The following CAMK1D variants were observed in gnomAD, a reference collection of about 807,000 sequenced individuals.
CAMK1D encodes the protein calcium/calmodulin dependent protein kinase ID, also known as calcium/calmodulin-dependent protein kinase type 1D.
Under a neutral mutation model 47.7 loss-of-function variants are expected in CAMK1D, and 9 were observed. The observed-to-expected ratio is 0.19, with a 90% CI of 0.11 to 0.33. CAMK1D has a LOEUF of 0.33. Among genes scored for constraint, CAMK1D ranks in the 10% least tolerant of loss-of-function variants. The pLI is 1.00. For missense variants in CAMK1D, 291 were observed against 488.7 expected (o/e 0.60, Z 3.81); for synonymous variants, 184 against 184.9 (o/e 0.99, Z 0.04).
At chr10:12,430,877 A>C (rs1283689145) in intron 1 of CAMK1D, among the ~76,000 whole-genome samples, 1 of 60,178 alleles carries the variant, frequency 1.7e-5, no homozygotes. Context: ...CACCCTCTTA[A>C]GTAGCTGGAT....
At chr10:12,781,416 G>A (rs1284696272) in intron 5 of CAMK1D, among the ~76,000 whole-genome samples, 1 of 152,112 alleles carries the variant, frequency 6.6e-6, no homozygotes, top group African/African-American at 2.4e-5. Context: ...TCCATCCCGC[G>A]GAGTTCCAAG....
chr10:12,541,686 G>A (rs534836863), intron 1 of CAMK1D, among the ~76,000 whole-genome samples: 65 of 151,826 alleles, frequency 4.3e-4, no homozygotes, highest in Non-Finnish European at 7.6e-4. Context: ...TGGTCCATTC[G>A]GATTCTCTGG....
intron 2 of CAMK1D, among the ~76,000 whole-genome samples, chr10:12,652,793 T>C (rs921081066): frequency 3.3e-5 from 5 of 152,184 alleles, no homozygotes; most frequent in African/African-American, 1.2e-4. Flanking sequence ...TTAACAATGA[T>C]CTATCATAAA....
Position 12,760,990 on chromosome 10 carries a change from G to T in CAMK1D, c.342G>T (p.Gly114=). The T allele has an allele frequency of 6.2e-7, 1 of 1,614,150 alleles. No individual in the cohort carries two copies. The highest frequency in any genetic ancestry group is 8.5e-7 in the Non-Finnish European group (1 of 1,180,026). ...GELFDRIVEK[G]FYTEKDASTL... ...TGTTTGACCGGATAGTGGAGAAGGG[G>T]TTTTATACAGAGAAGGATGCCAGCA... Residue 114 remains glycine (G), a synonymous_variant, in exon 4 of 11, where the codon GGG becomes GGT. Transcript: ENST00000619168.
intron 7 of CAMK1D, among the ~76,000 whole-genome samples, chr10:12,814,867 A>T (rs1200334851): frequency 6.6e-6 from 1 of 152,204 alleles, no homozygotes; most frequent in African/African-American, 2.4e-5. Flanking sequence ...CAAGCTTGGG[A>T]CATCTGGCTC....
chr10:12,511,618 GAACA>G (rs753821645), intron 1 of CAMK1D, among the ~76,000 whole-genome samples: 55 of 152,096 alleles, frequency 3.6e-4, no homozygotes, highest in Admixed American at 1.5e-3. Context: ...CTCAAAAAAC[GAACA>G]AACAAACAAA....
chr10:12,727,547 A>C (rs1251728999), intron 3 of CAMK1D, among the ~76,000 whole-genome samples: 1 of 152,236 alleles, frequency 6.6e-6, no homozygotes, highest in Non-Finnish European at 1.5e-5. Flanking sequence ...CATAAGTTAC[A>C]CACAACAGAC....
chr10:12,668,978 T>C (rs1840521091), intron 3 of CAMK1D, among the ~76,000 whole-genome samples: 1 of 151,974 alleles, frequency 6.6e-6, no homozygotes, highest in Non-Finnish European at 1.5e-5. Context: ...ACGCCTGCAA[T>C]CCCAGCACTT....
At chr10:12,502,323 G>A (rs1834729700) in intron 1 of CAMK1D, among the ~76,000 whole-genome samples, 1 of 152,224 alleles carries the variant, frequency 6.6e-6, no homozygotes, top group Admixed American at 6.5e-5. Flanking sequence ...GGAAAATCAG[G>A]CGGTGATGTA....
chr10:12,736,168 C>T (rs575457103), intron 3 of CAMK1D, among the ~76,000 whole-genome samples: 6 of 152,354 alleles, frequency 3.9e-5, no homozygotes, highest in Non-Finnish European at 7.3e-5. Context: ...AGGCAGCCTA[C>T]GAGTTTCTTC....
chr10:12,587,405 C>T (rs1342158507), intron 2 of CAMK1D, among the ~76,000 whole-genome samples: 1 of 152,046 alleles, frequency 6.6e-6, no homozygotes, highest in Non-Finnish European at 1.5e-5. Context: ...TCCATTTGTT[C>T]TGGGTTAGGT....
intron 1 of CAMK1D, among the ~76,000 whole-genome samples, chr10:12,440,540 G>C (rs1474642654): frequency 6.6e-6 from 1 of 152,072 alleles, no homozygotes; most frequent in East Asian, 1.9e-4. Flanking sequence ...CGCCCACCTC[G>C]GCCTCCCAAA....
chr10:12,351,517 C>T (rs1837354749), intron 1 of CAMK1D, among the ~76,000 whole-genome samples: 1 of 152,188 alleles, frequency 6.6e-6, no homozygotes, highest in East Asian at 1.9e-4. Context: ...CATGGGGACC[C>T]ACCCTGTGTG....
chr10:12,579,335 C>T (rs921162715), intron 2 of CAMK1D, among the ~76,000 whole-genome samples: 3 of 152,188 alleles, frequency 2.0e-5, no homozygotes, highest in Non-Finnish European at 4.4e-5. Flanking sequence ...GTGTTGGGCC[C>T]CGTGGCCTTA....
At chr10:12,614,509 C>T (rs748643147) in intron 2 of CAMK1D, among the ~76,000 whole-genome samples, 1 of 152,210 alleles carries the variant, frequency 6.6e-6, no homozygotes, top group East Asian at 1.9e-4. Flanking sequence ...GTGCTAAATA[C>T]GTATTCACTT....
At chr10:12,400,841 G>A (rs1287362238) in intron 1 of CAMK1D, among the ~76,000 whole-genome samples, 1 of 150,496 alleles carries the variant, frequency 6.6e-6, no homozygotes, top group African/African-American at 2.5e-5. Flanking sequence ...CCTGGGCCAG[G>A]CACAGTGGCT....
At chr10:12,677,183 G>A (rs1382516024) in intron 3 of CAMK1D, among the ~76,000 whole-genome samples, 3 of 152,104 alleles carry the variant, frequency 2.0e-5, no homozygotes, top group Non-Finnish European at 4.4e-5. Context: ...GTTAGCTGTC[G>A]TGTGGATATT....
Position 12,668,060 on chromosome 10 carries a change from C to T in CAMK1D, c.299+1250C>T, listed in dbSNP as rs568984588. 4.6e-5 allele frequency among the ~76,000 whole-genome samples: 7 copies of T among 152,290 alleles called. No individual in the cohort carries two copies. In the South Asian group the frequency reaches 1.5e-3, roughly 32 times the overall value. The stretch of plus-strand genomic sequence containing the variant: ...AAGAAGTTTTTTTACTTCTTGGTTA[C>T]CATGTTAACTCGAGTTACCTTTTCT... On this transcript the variant is annotated intron_variant, in intron 3 of 10. Coordinates refer to ENST00000619168, the MANE Select transcript of CAMK1D (RefSeq NM_153498.4).
At chr10:12,411,825 C>G (rs1051456204) in intron 1 of CAMK1D, among the ~76,000 whole-genome samples, 1 of 151,828 alleles carries the variant, frequency 6.6e-6, no homozygotes, top group Non-Finnish European at 1.5e-5. Context: ...GTCTCCTGAC[C>G]TCAGGTGATC....
Sources: gnomAD v4.1 joint callset for allele counts (sites outside exome capture counted in the v4.1 genomes callset) on GRCh38, gnomAD v4.1.1 for gene constraint, MANE v1.5 for transcripts, NCBI Gene and HGNC (gene_info 2026-07-23, HGNC 2026-07-21) for gene names.